TIMP3: variants seen among roughly 807,000 people sequenced by gnomAD.
TIMP3 encodes TIMP metallopeptidase inhibitor 3.
TIMP3 carries 11 observed loss-of-function variants against 30.0 expected under a neutral mutation model. That is an observed-to-expected ratio of 0.37 (90% CI 0.23 to 0.61). The LOEUF is 0.61. Ranked by LOEUF, TIMP3 falls within the 20% of genes least tolerant of loss-of-function variation. The pLI, the probability that TIMP3 is intolerant of heterozygous loss-of-function variation, is 0.70. For synonymous variants in TIMP3, 112 were observed against 111.3 expected (o/e 1.01, Z -0.04); for missense variants, 181 against 276.8 (o/e 0.65, Z 2.45).
intron 1 of TIMP3, among the ~76,000 whole-genome samples, chr22:32,847,592 C>A (rs778171183): frequency 1.4e-4 from 21 of 152,130 alleles, no homozygotes; most frequent in Non-Finnish European, 2.1e-4. Flanking sequence ...GGAATCAGTT[C>A]TTAGTAAAGA....
chr22:32,802,947 T>TA lies in TIMP3; in HGVS notation c.121+826dup, dbSNP rs1237144184. Among the ~76,000 whole-genome samples, 22 of 152,300 alleles carry TA rather than the reference T, an allele frequency of 1.4e-4. No homozygotes were observed. In the South Asian group the frequency reaches 4.4e-3, roughly 30 times the overall value. ...CACGGTGACAGTTCCAGACTGGACT[T>TA]AGTGTCTTGAGTAGAGAGACCCTGT... is the stretch of plus-strand genomic sequence containing the variant. On this transcript the variant is annotated intron_variant, in intron 1 of 4. Transcript: ENST00000266085.
intron 2 of TIMP3, among the ~76,000 whole-genome samples, chr22:32,856,816 C>A (rs942716070): frequency 1.9e-4 from 29 of 152,148 alleles, no homozygotes; most frequent in African/African-American, 6.5e-4. Flanking sequence ...TGCCCCAATC[C>A]TTATTACCTT....
chr22:32,833,034 G>A (rs1308407305), intron 1 of TIMP3, among the ~76,000 whole-genome samples: 1 of 152,166 alleles, frequency 6.6e-6, no homozygotes, highest in Admixed American at 6.5e-5. Flanking sequence ...CGCCCAGCAA[G>A]ATCTACCTTC....
At chr22:32,819,573 G>A (rs2047179608) in intron 1 of TIMP3, among the ~76,000 whole-genome samples, 1 of 152,132 alleles carries the variant, frequency 6.6e-6, no homozygotes, top group African/African-American at 2.4e-5. Context: ...CAGGTGCTGG[G>A]CAGAGTGCTA....
intron 1 of TIMP3, among the ~76,000 whole-genome samples, chr22:32,805,877 C>A (rs1174383106): frequency 2.6e-5 from 4 of 151,906 alleles, no homozygotes; most frequent in Non-Finnish European, 5.9e-5. Context: ...TCTGGGTTTT[C>A]TTTAAAAATA....
At chr22:32,835,801 T>C (rs969077056) in intron 1 of TIMP3, among the ~76,000 whole-genome samples, 1 of 152,302 alleles carries the variant, frequency 6.6e-6, no homozygotes, top group Non-Finnish European at 1.5e-5. Flanking sequence ...CAATCTGGCA[T>C]TGAGAGCCCT....
At position 32,806,964 on chromosome 22, in the gene TIMP3, A is replaced by G. The variant is rs533064662; in HGVS notation, c.121+4842A>G. Among the ~76,000 whole-genome samples, 3 of 152,194 alleles carry G rather than the reference A, an allele frequency of 2.0e-5. No individual in the cohort carries two copies. In the East Asian group the frequency reaches 5.8e-4, roughly 29 times the overall value. On this transcript the variant is annotated intron_variant, in intron 1 of 4. Transcript: ENST00000266085. ...AAACATGAATAGTAGAACATTAAAC[A>G]TCATGGAATACCACATAATACCACA...
At chr22:32,825,820 A>T (rs1381076697) in intron 1 of TIMP3, among the ~76,000 whole-genome samples, 4 of 152,100 alleles carry the variant, frequency 2.6e-5, no homozygotes, top group Non-Finnish European at 5.9e-5. Context: ...TCCAACTAAC[A>T]TTTCTGTATC....
intron 1 of TIMP3, among the ~76,000 whole-genome samples, chr22:32,838,712 G>A (rs969698599): frequency 6.6e-6 from 1 of 151,892 alleles, no homozygotes; most frequent in African/African-American, 2.4e-5. Flanking sequence ...TATGGAACAA[G>A]GACTCCTGAC....
intron 1 of TIMP3, among the ~76,000 whole-genome samples, chr22:32,825,703 GTGTA>G (rs1178863373): frequency 7.8e-6 from 1 of 127,694 alleles, no homozygotes; most frequent in African/African-American, 2.9e-5. Flanking sequence ...AAAAAGATGT[GTGTA>G]TGTGTGTATG....
chr22:32,804,298 C>T (rs1299685593), intron 1 of TIMP3, among the ~76,000 whole-genome samples: 1 of 152,158 alleles, frequency 6.6e-6, no homozygotes, highest in Non-Finnish European at 1.5e-5. Flanking sequence ...CGACCTCCCT[C>T]GCCTTGCACA....
intron 2 of TIMP3, among the ~76,000 whole-genome samples, chr22:32,856,608 A>C (rs1041709402): frequency 2.6e-5 from 4 of 152,240 alleles, no homozygotes. Flanking sequence ...ATAGTAATCA[A>C]ATCAGGGTAA....
chr22:32,831,776 C>T (rs2047580994), intron 1 of TIMP3, among the ~76,000 whole-genome samples: 1 of 152,010 alleles, frequency 6.6e-6, no homozygotes, highest in Admixed American at 6.6e-5. Context: ...TGAAGTTATC[C>T]CAGGTTTATT....
At chr22:32,824,675 G>A (rs989987788) in intron 1 of TIMP3, among the ~76,000 whole-genome samples, 2 of 152,128 alleles carry the variant, frequency 1.3e-5, no homozygotes, top group East Asian at 1.9e-4. Flanking sequence ...ACTTGTATTC[G>A]TTGAATGGGT....
At position 32,859,197 on chromosome 22, in the gene TIMP3, C is replaced by T; in HGVS notation, c.456C>T (p.Tyr152=). 1.2e-6 allele frequency: 2 copies of T among 1,614,214 alleles called. No individual in the cohort carries two copies. Among genetic ancestry groups the T allele is most frequent in the South Asian group, 1.1e-5 (1 of 91,082 alleles). Residue 152 remains tyrosine (Y), a synonymous_variant, in exon 5 of 5, where the codon TAC becomes TAT. Coordinates refer to ENST00000266085, the MANE Select transcript of TIMP3 (RefSeq NM_000362.5). ...AATTGCAGATCAAGTCCTGCTACTA[C>T]CTGCCTTGCTTTGTGACTTCCAAGA... The part of the protein sequence containing the change: ...GCNCKIKSCY[Y]LPCFVTSKNE...
chr22:32,817,923 T>G (rs2047130437), intron 1 of TIMP3, among the ~76,000 whole-genome samples: 2 of 152,210 alleles, frequency 1.3e-5, no homozygotes, highest in Admixed American at 1.3e-4. Context: ...TGTTCTATAC[T>G]TCTCTTACAT....
Position 32,805,148 on chromosome 22 carries a change from C to T in TIMP3, c.121+3026C>T, listed in dbSNP as rs528294084. On this transcript the variant is annotated intron_variant, in intron 1 of 4. Transcript: ENST00000266085. ...AAGCCCTTCTCTCCTTCTCTCTTGCCGCCTTTGCATGGGAGGAATGGGGCT... is the reference window on the plus strand; with the variant it reads ...AAGCCCTTCTCTCCTTCTCTCTTGCTGCCTTTGCATGGGAGGAATGGGGCT... Among the ~76,000 whole-genome samples, 33 of 152,204 alleles carry T rather than the reference C, an allele frequency of 2.2e-4. No individual in the cohort carries two copies. The South Asian group carries it at 3.3e-3, about 15-fold the overall frequency.
intron 1 of TIMP3, among the ~76,000 whole-genome samples, chr22:32,843,023 C>A (rs541079650): frequency 5.3e-5 from 8 of 152,260 alleles, no homozygotes; most frequent in South Asian, 2.1e-4. Context: ...TATTTTGCAA[C>A]CAGTGTGAAA....
chr22:32,838,704 T>A (rs1439195725), intron 1 of TIMP3, among the ~76,000 whole-genome samples: 1 of 152,034 alleles, frequency 6.6e-6, no homozygotes, highest in African/African-American at 2.4e-5. Flanking sequence ...AGTAACTCTA[T>A]GGAACAAGGA....
Sources: allele counts gnomAD v4.1 joint callset (sites outside exome capture counted in the v4.1 genomes callset), GRCh38; gene constraint gnomAD v4.1.1; transcripts MANE v1.5; gene names NCBI Gene and HGNC (gene_info 2026-07-23, HGNC 2026-07-21).